SHISA9: variants seen among roughly 807,000 people sequenced by gnomAD.
SHISA9 encodes the protein protein shisa-9.
A neutral mutation model predicts 38.0 loss-of-function variants in SHISA9; 13 were observed. The ratio of observed to expected loss-of-function variants is 0.34; its 90% CI spans 0.22 to 0.54. The LOEUF (loss-of-function observed/expected upper bound fraction) is 0.54. SHISA9 is among the 20% of genes least tolerant of loss of function. The pLI, the probability that SHISA9 is intolerant of heterozygous loss-of-function variation, is 0.91. For synonymous variants in SHISA9, 275 were observed against 242.0 expected (o/e 1.14, Z -1.27); for missense variants, 538 against 575.8 (o/e 0.93, Z 0.67).
intron 2 of SHISA9, among the ~76,000 whole-genome samples, chr16:13,140,189 T>A (rs2050389981): frequency 8.0e-6 from 1 of 124,388 alleles, no homozygotes; most frequent in African/African-American, 3.1e-5. Context: ...CCCTTCCCTT[T>A]CTTTTTAGAC....
downstream of SHISA9, among the ~76,000 whole-genome samples, chr16:13,242,628 A>G (rs16961502): frequency 0.025 from 3,837 of 152,276 alleles, 71 homozygotes; most frequent in Middle Eastern, 0.041. Context: ...ATTGATTCCA[A>G]TGCCAATTTG....
chr16:13,266,070 G>A, the SHISA9 span, among the ~76,000 whole-genome samples: 1 of 100,120 alleles, frequency 1.0e-5, no homozygotes, highest in Admixed American at 1.1e-4. Context: ...CATGTTCAGT[G>A]GGTGATTCTT....
Position 12,973,126 on chromosome 16 carries a change from T to TC in SHISA9, c.691+56317dup, listed in dbSNP as rs575999497. 6.8e-4 allele frequency among the ~76,000 whole-genome samples: 103 copies of TC among 151,856 alleles called. 1 individual carries two copies. Among genetic ancestry groups the TC allele is most frequent in the Non-Finnish European group, 1.3e-3 (89 of 67,924 alleles). ...GCAAGATTCCATTTCACCCCTCCGC[T>TC]CCCCCCACACAAAAAATAATAGATT... On this transcript the variant is annotated intron_variant, in intron 2 of 4. Transcript: ENST00000558583.
intron 2 of SHISA9, among the ~76,000 whole-genome samples, chr16:12,982,871 C>G (rs1460051493): frequency 2.0e-5 from 3 of 152,200 alleles, no homozygotes; most frequent in Non-Finnish European, 2.9e-5. Context: ...AGGTAGCTGT[C>G]AGTTTCCTTA....
At chr16:13,148,428 T>C (rs558010694) in intron 2 of SHISA9, among the ~76,000 whole-genome samples, 24 of 152,112 alleles carry the variant, frequency 1.6e-4, no homozygotes, top group African/African-American at 5.1e-4. Context: ...CATAGACATA[T>C]AGCACATAAC....
chr16:13,512,887 A>C, the SHISA9 span, among the ~76,000 whole-genome samples: 1 of 152,192 alleles, frequency 6.6e-6, no homozygotes, highest in East Asian at 1.9e-4. Flanking sequence ...TAAATGTAAA[A>C]CCCAAAACTA....
chr16:13,103,494 A>C (rs745896906), intron 2 of SHISA9, among the ~76,000 whole-genome samples: 13 of 152,228 alleles, frequency 8.5e-5, no homozygotes, highest in Non-Finnish European at 1.3e-4. Flanking sequence ...CCAGGGACAC[A>C]GGTGTTTGCA....
At chr16:13,246,176 C>A in the SHISA9 span, 1 of 152,188 alleles carries the variant, frequency 6.6e-6, no homozygotes, top group Non-Finnish European at 1.5e-5. Context: ...GTAATTCCCA[C>A]GTGTTGTGGG....
At chr16:13,386,560 C>A in the SHISA9 span, among the ~76,000 whole-genome samples, 2 of 152,184 alleles carry the variant, frequency 1.3e-5, no homozygotes, top group Non-Finnish European at 2.9e-5. Context: ...TAATACATAT[C>A]AGTTTCTTAG....
chr16:12,955,236 A>G (rs1487713779), intron 2 of SHISA9, among the ~76,000 whole-genome samples: 1 of 152,100 alleles, frequency 6.6e-6, no homozygotes, highest in Non-Finnish European at 1.5e-5. Flanking sequence ...CCCAGACACA[A>G]GTATTTTTTC....
At chr16:12,985,368 G>A (rs956255411) in intron 2 of SHISA9, among the ~76,000 whole-genome samples, 1 of 152,096 alleles carries the variant, frequency 6.6e-6, no homozygotes, top group African/African-American at 2.4e-5. Flanking sequence ...CTTATTTCTG[G>A]TGAACCCTTC....
chr16:13,443,207 T>C, the SHISA9 span, among the ~76,000 whole-genome samples: 1 of 152,256 alleles, frequency 6.6e-6, no homozygotes, highest in African/African-American at 2.4e-5. Flanking sequence ...TCATCTGTGT[T>C]GAAGAGATTT....
chr16:13,345,197 T>C, the SHISA9 span, among the ~76,000 whole-genome samples: 8 of 152,166 alleles, frequency 5.3e-5, no homozygotes, highest in Non-Finnish European at 1.0e-4. Flanking sequence ...ACAGATTATT[T>C]CATCACTCAG....
At chr16:12,962,671 T>G (rs1159925630) in intron 2 of SHISA9, among the ~76,000 whole-genome samples, 1 of 152,224 alleles carries the variant, frequency 6.6e-6, no homozygotes, top group East Asian at 1.9e-4. Flanking sequence ...CTGCCTTGAT[T>G]TGGACTTCCC....
At chr16:13,039,867 G>A (rs889473479) in intron 2 of SHISA9, among the ~76,000 whole-genome samples, 20 of 152,170 alleles carry the variant, frequency 1.3e-4, no homozygotes, top group African/African-American at 4.3e-4. Flanking sequence ...TGTGTGACCT[G>A]GACTTCAGTT....
At chr16:13,315,641 G>T in the SHISA9 span, among the ~76,000 whole-genome samples, 3 of 152,210 alleles carry the variant, frequency 2.0e-5, no homozygotes, top group African/African-American at 7.2e-5. Flanking sequence ...AAAATGGGAT[G>T]TTAATAGGAT....
intron 2 of SHISA9, among the ~76,000 whole-genome samples, chr16:12,981,273 C>A (rs549719633): frequency 1.1e-4 from 16 of 152,256 alleles, no homozygotes; most frequent in Non-Finnish European, 2.4e-4. Flanking sequence ...AGACCCAGAA[C>A]TTTTACCCAG....
intron 2 of SHISA9, among the ~76,000 whole-genome samples, chr16:13,182,894 G>C (rs1271742133): frequency 6.6e-6 from 1 of 152,234 alleles, no homozygotes; most frequent in Non-Finnish European, 1.5e-5. Flanking sequence ...CTCAGGGTCT[G>C]TCACACAGTT....
intron 2 of SHISA9, among the ~76,000 whole-genome samples, chr16:12,938,796 C>G (rs1263389647): frequency 1.3e-5 from 2 of 152,070 alleles, no homozygotes; most frequent in Non-Finnish European, 2.9e-5. Flanking sequence ...AGCCATTCTG[C>G]CTTTTGACTT....
Sources: gnomAD v4.1 joint callset for allele counts (sites outside exome capture counted in the v4.1 genomes callset) on GRCh38, gnomAD v4.1.1 for gene constraint, MANE v1.5 for transcripts, NCBI Gene and HGNC (gene_info 2026-07-23, HGNC 2026-07-21) for gene names.